ATP11C: variants seen among roughly 807,000 people sequenced by gnomAD.
ATP11C encodes the protein phospholipid-transporting ATPase IG.
A neutral mutation model predicts 97.4 loss-of-function variants in ATP11C; 36 were observed. That is an observed-to-expected ratio of 0.37 (90% CI 0.28 to 0.49). The LOEUF is 0.49. ATP11C is among the 20% of genes least tolerant of loss of function. ATP11C has a pLI of 0.98. For synonymous variants in ATP11C, 275 were observed against 290.9 expected (o/e 0.95, Z 0.56); for missense variants, 730 against 824.6 (o/e 0.89, Z 1.40).
chrX:139,856,777 CA>C (rs60483139), intron 1 of ATP11C, among the ~76,000 whole-genome samples: 1,904 of 112,199 alleles, frequency 0.017, 30 homozygotes, highest in African/African-American at 0.058. Context: ...TTACAACCAA[CA>C]GTGATTTATT....
At chrX:139,896,619 G>C (rs1485532591) in intron 1 of ATP11C, among the ~76,000 whole-genome samples, 1 of 90,885 alleles carries the variant, frequency 1.1e-5, no homozygotes, top group Non-Finnish European at 2.2e-5. Context: ...TTGAGAAAGA[G>C]TCTCTCTCTC....
intron 28 of ATP11C, 68 bp downstream of exon 28, chrX:139,737,848 T>C (rs1183010638): frequency 9.2e-7 from 1 of 1,083,851 alleles, no homozygotes; most frequent in Non-Finnish European, 1.3e-6. Flanking sequence ...CTAAATCAGG[T>C]TTTTAGCTCA....
At chrX:139,842,322 C>T (rs1011751668) in intron 1 of ATP11C, among the ~76,000 whole-genome samples, 3 of 112,623 alleles carry the variant, frequency 2.7e-5, no homozygotes, top group African/African-American at 9.7e-5. Flanking sequence ...TCCATACATG[C>T]CCTCCAAGGG....
intron 27 of ATP11C, among the ~76,000 whole-genome samples, chrX:139,738,525 T>G (rs2081492279): frequency 8.9e-6 from 1 of 111,830 alleles, no homozygotes; most frequent in African/African-American, 3.2e-5. Flanking sequence ...TATGTAAATA[T>G]AAAAAGGACA....
intron 1 of ATP11C, among the ~76,000 whole-genome samples, chrX:139,925,184 A>T (rs1214294861): frequency 3.6e-5 from 4 of 112,236 alleles, no homozygotes; most frequent in Non-Finnish European, 7.5e-5. Context: ...GAACCTAAGA[A>T]CCACTTGGAA....
chrX:139,867,161 T>A (rs2084300732), intron 1 of ATP11C, among the ~76,000 whole-genome samples: 1 of 111,999 alleles, frequency 8.9e-6, no homozygotes, highest in Non-Finnish European at 1.9e-5. Flanking sequence ...ATTCACTAAG[T>A]GCCTACTACA....
At chrX:139,924,092 T>C in intron 1 of ATP11C, 1 of 377,646 alleles carries the variant, frequency 2.6e-6, no homozygotes, top group Non-Finnish European at 5.4e-6. Flanking sequence ...AGCAAATGAA[T>C]GGGAGCAGTA....
intron 4 of ATP11C, among the ~76,000 whole-genome samples, chrX:139,815,412 T>C: frequency 9.0e-6 from 1 of 111,725 alleles, no homozygotes; most frequent in East Asian, 2.8e-4. Flanking sequence ...ACTGTTCGAG[T>C]AATCATCTCC....
chrX:139,875,583 T>A (rs981154062), intron 1 of ATP11C, among the ~76,000 whole-genome samples: 1 of 110,273 alleles, frequency 9.1e-6, no homozygotes, highest in Non-Finnish European at 1.9e-5. Context: ...GGCAGCAAAG[T>A]AAGACCCTGT....
Position 139,912,743 on chromosome X carries a change from G to A in ATP11C, c.27+19273C>T, listed in dbSNP as rs1022400959. On this transcript the variant is annotated intron_variant, in intron 1 of 29. Transcript: ENST00000682941. Reference sequence around the variant, plus strand: ...TTAATAAATCTTCTGATTTGATTACGTATGATTTTTGATTGCACTGCCTTC... The same window carrying A: ...TTAATAAATCTTCTGATTTGATTACATATGATTTTTGATTGCACTGCCTTC... 3.0e-3 allele frequency among the ~76,000 whole-genome samples: 25 copies of A among 8,380 alleles called. 1 individual carries two copies. Among genetic ancestry groups the A allele is most frequent in the South Asian group, 0.2 (1 of 5 alleles). The allele number at this position is 8,380 out of a possible 115,157, so 7.3% of individuals were successfully genotyped here.
rs775132290 is a variant in ATP11C at position 139,847,702 on chromosome X, C to CAA, written c.28-20881_28-20880dup. Among the ~76,000 whole-genome samples the CAA allele has an allele frequency of 3.0e-3, 254 of 85,047 alleles. 1 individual carries two copies. The highest frequency in any genetic ancestry group is 9.0e-3 in the African/African-American group (211 of 23,431). 73.9% of individuals were successfully genotyped at this position (85,047 alleles called of 115,157 possible). A position where few individuals can be genotyped will look rare whatever the true frequency, so the allele number is the denominator to read the frequency against. The stretch of plus-strand genomic sequence containing the variant: ...TGGAAATCAGAGCAAGAACCTATCT[C>CAA]AAAAAAAAAAAAAAAACTACGTCCT... On this transcript the variant is annotated intron_variant, in intron 1 of 29. Coordinates refer to ENST00000682941, the MANE Select transcript of ATP11C (RefSeq NM_001353812.2).
chrX:139,733,916 GA>G (rs2081394779), intron 28 of ATP11C, among the ~76,000 whole-genome samples: 1 of 111,538 alleles, frequency 9.0e-6, no homozygotes, highest in African/African-American at 3.3e-5. Context: ...AGAAAGCATG[GA>G]AAGAGTAACT....
intron 1 of ATP11C, among the ~76,000 whole-genome samples, chrX:139,906,176 T>A (rs755912837): frequency 9.3e-6 from 1 of 107,918 alleles, no homozygotes; most frequent in African/African-American, 3.4e-5. Flanking sequence ...CTGAGGCAGG[T>A]GGACATGAGT....
intron 21 of ATP11C, among the ~76,000 whole-genome samples, chrX:139,762,536 G>C (rs1365238482): frequency 1.8e-5 from 2 of 111,360 alleles, no homozygotes; most frequent in Non-Finnish European, 3.8e-5. Context: ...ATGAAACCCT[G>C]ACTAGCAGCG....
At chrX:139,735,966 T>C (rs1157552646) in intron 28 of ATP11C, among the ~76,000 whole-genome samples, 1 of 111,707 alleles carries the variant, frequency 9.0e-6, no homozygotes, top group Non-Finnish European at 1.9e-5. Flanking sequence ...AATGATTGCA[T>C]GAATGAAAAT....
chrX:139,831,194 G>T (rs756435140), intron 1 of ATP11C, among the ~76,000 whole-genome samples: 1 of 111,431 alleles, frequency 9.0e-6, no homozygotes, highest in African/African-American at 3.3e-5. Flanking sequence ...CAAGACTGAT[G>T]GGGCATTTTG....
At chrX:139,802,482 A>G (rs896470397) in intron 6 of ATP11C, 143 bp from the exon 7 acceptor site, 27 of 364,313 alleles carry the variant, frequency 7.4e-5, no homozygotes, top group African/African-American at 7.8e-5. Flanking sequence ...TTTCCCACTA[A>G]TAAGTTTTAT....
rs139728844 is a variant in ATP11C, at chrX:139,895,961, A to C, written c.27+36055T>G. On this transcript the variant is annotated intron_variant, in intron 1 of 29. Transcript: ENST00000682941. ...AAGTGCTGGGATTATAGGTTGATTA[A>C]TGGGTACAAACATACACTTAGAAGA... Among the ~76,000 whole-genome samples, 752 of 111,532 alleles carry C rather than the reference A, an allele frequency of 6.7e-3. 7 individuals are homozygous for C. The highest frequency in any genetic ancestry group is 0.023 in the Middle Eastern group (5 of 214).
intron 1 of ATP11C, among the ~76,000 whole-genome samples, chrX:139,864,145 A>G (rs2084247057): frequency 1.8e-5 from 2 of 112,356 alleles, no homozygotes; most frequent in South Asian, 7.3e-4. Flanking sequence ...ATATGTGACC[A>G]TATTAAGGAT....
Sources: gnomAD v4.1 joint callset for allele counts (sites outside exome capture counted in the v4.1 genomes callset) on GRCh38, gnomAD v4.1.1 for gene constraint, MANE v1.5 for transcripts, NCBI Gene and HGNC (gene_info 2026-07-23, HGNC 2026-07-21) for gene names.